IQCJ: variants seen among roughly 807,000 people sequenced by gnomAD.
The protein encoded by IQCJ is IQ domain-containing protein J.
Under a neutral mutation model 11.0 loss-of-function variants are expected in IQCJ, and 9 were observed. The ratio of observed to expected loss-of-function variants is 0.82; its 90% CI spans 0.49 to 1.43. IQCJ has a LOEUF of 1.43. Among genes scored for constraint, IQCJ ranks in the 40% most tolerant of loss-of-function variants. IQCJ has a pLI of 0.00. For synonymous variants in IQCJ, 55 were observed against 51.3 expected, an observed-to-expected ratio of 1.07 and a Z score of -0.31; for missense variants, 146 against 133.2, an observed-to-expected ratio of 1.10 and a Z score of -0.47.
At chr3:159,256,201 A>G (rs1170258849) in intron 3 of IQCJ, among the ~76,000 whole-genome samples, 1 of 152,210 alleles carries the variant, frequency 6.6e-6, no homozygotes, top group Non-Finnish European at 1.5e-5. Context: ...CAATGTATTT[A>G]CTTTGTGATG....
In IQCJ at chr3:159,263,137, G is replaced by A. The variant is rs1005052206; in HGVS notation, c.*406G>A. On this transcript the variant is annotated 3_prime_UTR_variant, in exon 4 of 4. Transcript: ENST00000397832. ...TTAAATGTCTCCAGGGGCCAGGTAA[G>A]TCACCCTCATGACTGAGGTGGCTGA... is the stretch of plus-strand genomic sequence containing the variant. 2.2e-6 allele frequency: 2 copies of A among 907,928 alleles called. No homozygotes were observed. The highest frequency in any genetic ancestry group is 2.6e-6 in the Non-Finnish European group (2 of 758,028). 56.2% of individuals were successfully genotyped at this position (907,928 alleles called of 1,614,324 possible).
intron 1 of IQCJ, among the ~76,000 whole-genome samples, chr3:159,241,268 G>A (rs909477025): frequency 5.3e-5 from 8 of 151,892 alleles, no homozygotes; most frequent in African/African-American, 1.7e-4. Context: ...AATTAGCTGG[G>A]TATGGTGGTG....
At chr3:159,128,721 ACAT>A (rs1381643093) in intron 1 of IQCJ, among the ~76,000 whole-genome samples, 2 of 152,064 alleles carry the variant, frequency 1.3e-5, no homozygotes, top group African/African-American at 2.4e-5. Flanking sequence ...TGCTCCCAAC[ACAT>A]CACCCTTCCC....
rs1349848407 is a variant in IQCJ, at chr3:159,091,664, A to ACGCG, written c.9+22224_9+22225insGCGC. Among the ~76,000 whole-genome samples, 4 of 49,186 alleles carry ACGCG rather than the reference A, an allele frequency of 8.1e-5. 1 individual carries two copies. In the South Asian group the frequency reaches 2.5e-3, roughly 30 times the overall value. 32.3% of individuals were successfully genotyped at this position (49,186 alleles called of 152,430 possible). A position where few individuals can be genotyped will look rare whatever the true frequency, so the allele number is the denominator to read the frequency against. ...GGGGTATTTACACACACACACACAC[A>ACGCG]CACACGCATGCACACACACACACAC... On this transcript the variant is annotated intron_variant, in intron 1 of 3. Transcript: ENST00000397832.
At chr3:159,116,572 A>G (rs1287954496) in intron 1 of IQCJ, among the ~76,000 whole-genome samples, 14 of 139,040 alleles carry the variant, frequency 1.0e-4, no homozygotes, top group Non-Finnish European at 1.8e-4. Flanking sequence ...ATTTCTATGA[A>G]AGAGCTATAC....
chr3:159,089,172 C>T (rs1346510172), intron 1 of IQCJ, among the ~76,000 whole-genome samples: 3 of 152,050 alleles, frequency 2.0e-5, no homozygotes, highest in Non-Finnish European at 4.4e-5. Context: ...TTCTCCTTCA[C>T]TTATGAAGCT....
chr3:159,175,280 T>G (rs1722731815), intron 1 of IQCJ, among the ~76,000 whole-genome samples: 2 of 152,244 alleles, frequency 1.3e-5, no homozygotes, highest in South Asian at 4.1e-4. Flanking sequence ...AAGACTAGCC[T>G]GGCAACATGG....
At chr3:159,183,550 C>T (rs772319912) in intron 1 of IQCJ, among the ~76,000 whole-genome samples, 1 of 152,144 alleles carries the variant, frequency 6.6e-6, no homozygotes, top group Non-Finnish European at 1.5e-5. Flanking sequence ...ACTCTCACAG[C>T]CAACTGTCAA....
intron 1 of IQCJ, among the ~76,000 whole-genome samples, chr3:159,159,277 A>G (rs1250055437): frequency 6.6e-6 from 1 of 152,092 alleles, no homozygotes; most frequent in East Asian, 1.9e-4. Context: ...ATAAAGGAGA[A>G]GGTTGGGGCT....
chr3:159,112,311 G>C (rs766077941), intron 1 of IQCJ, among the ~76,000 whole-genome samples: 1 of 151,898 alleles, frequency 6.6e-6, no homozygotes, highest in Non-Finnish European at 1.5e-5. Flanking sequence ...CACCTATCCT[G>C]ACCCATAAAA....
At chr3:159,070,550 C>T (rs1424659774) in intron 1 of IQCJ, among the ~76,000 whole-genome samples, 1 of 151,990 alleles carries the variant, frequency 6.6e-6, no homozygotes, top group African/African-American at 2.4e-5. Flanking sequence ...AATAACTGAT[C>T]TTGAGTATTG....
chr3:159,208,003 A>T (rs1036240105), intron 1 of IQCJ, among the ~76,000 whole-genome samples: 1 of 152,160 alleles, frequency 6.6e-6, no homozygotes, highest in East Asian at 1.9e-4. Flanking sequence ...TTTAAAATTT[A>T]TCCTTTAGCA....
chr3:159,230,645 A>T (rs576217428), intron 1 of IQCJ, among the ~76,000 whole-genome samples: 1 of 152,322 alleles, frequency 6.6e-6, no homozygotes, highest in East Asian at 1.9e-4. Context: ...CCTCCCTGAC[A>T]AGCGATGAGG....
At chr3:159,200,336 A>T (rs984617517) in intron 1 of IQCJ, among the ~76,000 whole-genome samples, 7 of 152,104 alleles carry the variant, frequency 4.6e-5, no homozygotes, top group Admixed American at 3.3e-4. Flanking sequence ...AGAAGCAATT[A>T]ACCACCTTCT....
intron 1 of IQCJ, among the ~76,000 whole-genome samples, chr3:159,158,330 G>A (rs1263577472): frequency 1.3e-5 from 2 of 152,304 alleles, no homozygotes; most frequent in East Asian, 3.9e-4. Context: ...CCTGTAGGAG[G>A]CAGAACAATA....
At chr3:159,074,846 T>C (rs866546711) in intron 1 of IQCJ, among the ~76,000 whole-genome samples, 12 of 152,150 alleles carry the variant, frequency 7.9e-5, no homozygotes, top group African/African-American at 2.7e-4. Context: ...CATACAGACC[T>C]GATCCTGCCC....
intron 1 of IQCJ, among the ~76,000 whole-genome samples, chr3:159,219,445 T>C (rs1024012948): frequency 6.6e-6 from 1 of 152,156 alleles, no homozygotes; most frequent in Admixed American, 6.6e-5. Flanking sequence ...ATGGGGATAC[T>C]TTAGCGTCCA....
At chr3:159,117,842 A>G (rs1392380141) in intron 1 of IQCJ, among the ~76,000 whole-genome samples, 3 of 152,166 alleles carry the variant, frequency 2.0e-5, no homozygotes, top group Non-Finnish European at 4.4e-5. Context: ...AGAATGAAAC[A>G]GTTTTTACAC....
intron 1 of IQCJ, among the ~76,000 whole-genome samples, chr3:159,222,394 A>G (rs1725603107): frequency 6.6e-6 from 1 of 152,224 alleles, no homozygotes; most frequent in Non-Finnish European, 1.5e-5. Flanking sequence ...ATGAACCTGG[A>G]GGATATCATG....
Sources: gnomAD v4.1 joint callset for allele counts (sites outside exome capture counted in the v4.1 genomes callset) on GRCh38, gnomAD v4.1.1 for gene constraint, MANE v1.5 for transcripts, NCBI Gene and HGNC (gene_info 2026-07-23, HGNC 2026-07-21) for gene names.